The following GPC6 variants were observed in gnomAD, a reference collection of about 807,000 sequenced individuals.
GPC6 encodes the protein glypican 6, also known as glypican-6.
GPC6 carries 14 observed loss-of-function variants against 55.2 expected under a neutral mutation model. The ratio of observed to expected loss-of-function variants is 0.25; its 90% CI spans 0.17 to 0.40. The LOEUF is 0.40. GPC6 is among the 10% of genes least tolerant of loss of function. The pLI is 1.00. For synonymous variants in GPC6, 278 were observed against 259.6 expected, an observed-to-expected ratio of 1.07 and a Z score of -0.68; for missense variants, 641 against 708.5, an observed-to-expected ratio of 0.90 and a Z score of 1.08.
intron 2 of GPC6, among the ~76,000 whole-genome samples, chr13:93,644,421 T>C (rs577578336): frequency 1.3e-5 from 2 of 152,166 alleles, no homozygotes; most frequent in South Asian, 4.1e-4. Context: ...TTTATATTAG[T>C]GATCATTTAG....
chr13:93,427,823 A>G (rs1239878057), intron 1 of GPC6, among the ~76,000 whole-genome samples: 23 of 152,214 alleles, frequency 1.5e-4, no homozygotes, highest in Admixed American at 1.5e-3. Context: ...AGCCAGAACA[A>G]GTGGAAATCC....
At chr13:94,176,025 A>T (rs1218305018) in intron 4 of GPC6, among the ~76,000 whole-genome samples, 2 of 149,254 alleles carry the variant, frequency 1.3e-5, no homozygotes, top group African/African-American at 4.9e-5. Flanking sequence ...TTTTTAATTC[A>T]CCACTTTTAA....
intron 1 of GPC6, among the ~76,000 whole-genome samples, chr13:93,439,901 G>A (rs372389663): frequency 5.3e-5 from 8 of 152,126 alleles, no homozygotes; most frequent in African/African-American, 1.9e-4. Context: ...CTAAGCCTTA[G>A]TTTTATCCTC....
chr13:93,663,411 A>G (rs1446220382), intron 2 of GPC6, among the ~76,000 whole-genome samples: 1 of 152,166 alleles, frequency 6.6e-6, no homozygotes, highest in Non-Finnish European at 1.5e-5. Flanking sequence ...TTTAAATAAA[A>G]TCTAGCAGAT....
At chr13:93,335,441 C>A (rs1254234622) in intron 1 of GPC6, among the ~76,000 whole-genome samples, 3 of 152,078 alleles carry the variant, frequency 2.0e-5, no homozygotes. Flanking sequence ...AGAGGAGGAA[C>A]CTGAAACTTA....
At chr13:94,014,064 C>G (rs1882358637) in intron 3 of GPC6, among the ~76,000 whole-genome samples, 1 of 152,098 alleles carries the variant, frequency 6.6e-6, no homozygotes, top group African/African-American at 2.4e-5. Flanking sequence ...ATTTTTCCTT[C>G]AGGCTCTGAT....
rs996362443 is a variant in GPC6, at chr13:94,306,273, A to T, written c.1152+150A>T. ...TTCTTAATTAGAATATTGAAAAGTA[A>T]TGGGATCTTTCTTTTGGGTCATGTA... On this transcript the variant is annotated intron_variant, in intron 6 of 8. Transcript: ENST00000377047. 7 of 798,132 alleles carry T rather than the reference A, an allele frequency of 8.8e-6. No individual in the cohort carries two copies. In the African/African-American group the frequency reaches 1.2e-4, roughly 14 times the overall value. The allele number at this position is 798,132 out of a possible 1,614,324, so 49.4% of individuals were successfully genotyped here.
At chr13:93,363,836 G>A (rs1326598203) in intron 1 of GPC6, among the ~76,000 whole-genome samples, 1 of 151,976 alleles carries the variant, frequency 6.6e-6, no homozygotes, top group Non-Finnish European at 1.5e-5. Flanking sequence ...TCTGACTGGT[G>A]TGAGATGGTA....
intron 4 of GPC6, among the ~76,000 whole-genome samples, chr13:94,246,403 T>G (rs1251357385): frequency 6.6e-6 from 1 of 152,130 alleles, no homozygotes; most frequent in Non-Finnish European, 1.5e-5. Flanking sequence ...TAGCCTAAGA[T>G]TTTGGTGTGA....
chr13:93,397,560 AT>A (rs958418918), intron 1 of GPC6, among the ~76,000 whole-genome samples: 2 of 152,160 alleles, frequency 1.3e-5, no homozygotes, highest in Non-Finnish European at 2.9e-5. Flanking sequence ...ATTGCCTTAT[AT>A]TTTGTACTTG....
At chr13:93,474,588 T>C (rs1879238330) in intron 1 of GPC6, among the ~76,000 whole-genome samples, 1 of 152,120 alleles carries the variant, frequency 6.6e-6, no homozygotes, top group Admixed American at 6.5e-5. Flanking sequence ...GGAACCCCAG[T>C]GTGTTGAGTT....
chr13:93,403,710 T>C (rs1876179770), intron 1 of GPC6, among the ~76,000 whole-genome samples: 2 of 152,184 alleles, frequency 1.3e-5, no homozygotes, highest in African/African-American at 4.8e-5. Context: ...CCAGCTTGGC[T>C]CGCTCATGCC....
chr13:93,538,130 T>C (rs1316330803), intron 1 of GPC6, among the ~76,000 whole-genome samples: 1 of 152,118 alleles, frequency 6.6e-6, no homozygotes, highest in African/African-American at 2.4e-5. Context: ...AAGCCCTTTC[T>C]GGGTTTATGT....
At chr13:93,609,483 C>T (rs111629303) in intron 2 of GPC6, among the ~76,000 whole-genome samples, 36 of 152,310 alleles carry the variant, frequency 2.4e-4, no homozygotes, top group African/African-American at 8.2e-4. Flanking sequence ...AATGATCCGC[C>T]GGCCTTGGCC....
intron 1 of GPC6, among the ~76,000 whole-genome samples, chr13:93,264,986 G>T (rs751559208): frequency 6.6e-6 from 1 of 152,072 alleles, no homozygotes; most frequent in Non-Finnish European, 1.5e-5. Flanking sequence ...CTTCATAAAG[G>T]ATGATAAGAA....
intron 3 of GPC6, among the ~76,000 whole-genome samples, chr13:93,864,060 G>A (rs1364482204): frequency 6.6e-6 from 1 of 151,636 alleles, no homozygotes; most frequent in Non-Finnish European, 1.5e-5. Context: ...AATTTAATGA[G>A]TAAAATTTCC....
intron 1 of GPC6, among the ~76,000 whole-genome samples, chr13:93,523,771 C>CTA (rs1366138709): frequency 3.3e-5 from 5 of 151,732 alleles, no homozygotes; most frequent in African/African-American, 9.7e-5. Context: ...TTTTTGCTTT[C>CTA]TATCAGAATT....
At chr13:93,798,848 G>A (rs895468000) in intron 2 of GPC6, among the ~76,000 whole-genome samples, 6 of 150,186 alleles carry the variant, frequency 4.0e-5, no homozygotes, top group African/African-American at 1.5e-4. Flanking sequence ...GAACCCAGGA[G>A]GCGGAGGTTG....
chr13:93,642,584 A>G (rs1879999599), intron 2 of GPC6, among the ~76,000 whole-genome samples: 2 of 152,018 alleles, frequency 1.3e-5, no homozygotes, highest in African/African-American at 2.4e-5. Flanking sequence ...CTGTTTTTCA[A>G]GTATTTCATT....
Sources: allele counts gnomAD v4.1 joint callset (sites outside exome capture counted in the v4.1 genomes callset), GRCh38; gene constraint gnomAD v4.1.1; transcripts MANE v1.5; gene names NCBI Gene and HGNC (gene_info 2026-07-23, HGNC 2026-07-21).